FAM110B: variants seen among roughly 807,000 people sequenced by gnomAD.
FAM110B encodes protein FAM110B.
In FAM110B, 6 loss-of-function variants were observed where a neutral mutation model predicts 20.4. The ratio of observed to expected loss-of-function variants is 0.29; its 90% CI spans 0.16 to 0.58. The LOEUF (loss-of-function observed/expected upper bound fraction) is 0.58, where lower values mean the gene tolerates loss of function less well. Ranked by LOEUF, FAM110B falls within the 20% of genes least tolerant of loss-of-function variation. FAM110B has a pLI of 0.90. For synonymous variants in FAM110B, 226 were observed against 214.1 expected, an observed-to-expected ratio of 1.06 and a Z score of -0.49; for missense variants, 434 against 498.2, an observed-to-expected ratio of 0.87 and a Z score of 1.23.
intron 2 of FAM110B, among the ~76,000 whole-genome samples, chr8:58,069,864 C>T (rs1195465122): frequency 6.6e-6 from 1 of 152,126 alleles, no homozygotes; most frequent in Non-Finnish European, 1.5e-5. Flanking sequence ...TAGTGCTATA[C>T]ATTGATTTAA....
At chr8:58,115,817 T>TTAGGCTAGGAAAAA (rs1436916501) in intron 3 of FAM110B, among the ~76,000 whole-genome samples, 1 of 152,164 alleles carries the variant, frequency 6.6e-6, no homozygotes, top group African/African-American at 2.4e-5. Flanking sequence ...TGAGTATAAC[T>TTAGGCTAGGAAAAA]TAGGCTAGGA....
chr8:58,038,964 GA>G (rs904753104), intron 2 of FAM110B, among the ~76,000 whole-genome samples: 6 of 152,350 alleles, frequency 3.9e-5, no homozygotes, highest in African/African-American at 1.4e-4. Flanking sequence ...TGCGGTGCCA[GA>G]AAGACGTGGC....
intron 3 of FAM110B, among the ~76,000 whole-genome samples, chr8:58,102,612 G>C (rs1282198231): frequency 6.6e-6 from 1 of 152,100 alleles, no homozygotes; most frequent in Non-Finnish European, 1.5e-5. Flanking sequence ...TTCCACCTAC[G>C]CCATAACAGT....
intron 3 of FAM110B, among the ~76,000 whole-genome samples, chr8:58,128,318 C>T (rs560222395): frequency 5.2e-4 from 79 of 152,278 alleles, no homozygotes; most frequent in Non-Finnish European, 9.8e-4. Context: ...CAGTGTTCCA[C>T]GGCCTCCTAG....
At chr8:58,018,563 CTT>C (rs1804681709) in intron 1 of FAM110B, among the ~76,000 whole-genome samples, 1 of 152,080 alleles carries the variant, frequency 6.6e-6, no homozygotes, top group African/African-American at 2.4e-5. Context: ...TCTTGACAAA[CTT>C]TCCCTTTTAA....
At chr8:58,082,914 C>T (rs941165876) in intron 3 of FAM110B, among the ~76,000 whole-genome samples, 16 of 146,204 alleles carry the variant, frequency 1.1e-4, no homozygotes, top group African/African-American at 3.6e-4. Context: ...GAGCCTGAGG[C>T]GAAAGGATCA....
intron 1 of FAM110B, among the ~76,000 whole-genome samples, chr8:58,017,991 T>G (rs1237652376): frequency 6.6e-6 from 1 of 152,218 alleles, no homozygotes; most frequent in Non-Finnish European, 1.5e-5. Context: ...TGTACTGTTT[T>G]AAGCTCTTCA....
At chr8:58,130,668 T>C (rs1232100081) in intron 3 of FAM110B, among the ~76,000 whole-genome samples, 1 of 152,190 alleles carries the variant, frequency 6.6e-6, no homozygotes, top group Non-Finnish European at 1.5e-5. Context: ...CCAGCGTGAG[T>C]ATAAATTGAA....
intron 2 of FAM110B, among the ~76,000 whole-genome samples, chr8:58,044,513 C>G (rs1327018177): frequency 2.0e-5 from 3 of 152,110 alleles, no homozygotes; most frequent in Non-Finnish European, 4.4e-5. Context: ...ATAAAAGCAG[C>G]AGCTACCAGG....
chr8:58,058,017 A>G (rs899860070), intron 2 of FAM110B, among the ~76,000 whole-genome samples: 3 of 152,112 alleles, frequency 2.0e-5, no homozygotes, highest in Non-Finnish European at 4.4e-5. Context: ...GGGAGAGGCT[A>G]TTTTGTCATT....
At chr8:58,031,811 AC>A (rs1440401665) in intron 2 of FAM110B, 108 bp downstream of exon 2, 1 of 152,042 alleles carries the variant, frequency 6.6e-6, no homozygotes, top group Admixed American at 6.6e-5. Flanking sequence ...AATTTTTCCC[AC>A]CTTTTTCGTT....
chr8:58,115,847 A>T (rs1314228019), intron 3 of FAM110B, among the ~76,000 whole-genome samples: 2 of 152,312 alleles, frequency 1.3e-5, no homozygotes, highest in Admixed American at 1.3e-4. Context: ...ATTCCTGATA[A>T]AAAGTAGTGT....
rs750055380 is a variant in FAM110B at position 58,148,726 on chromosome 8, A to G, written c.*1383A>G. ...AGACTTTGTACATACTTCAGTTGTT[A>G]TGAAATCTTTAAAGAAAAAAAGAAA... On this transcript the variant is annotated 3_prime_UTR_variant, in exon 4 of 4. Coordinates refer to ENST00000519262, the MANE Select transcript of FAM110B (RefSeq NM_001377989.1). The G allele has an allele frequency of 1.4e-3, 230 of 167,270 alleles. No homozygotes were observed. The highest frequency in any genetic ancestry group is 2.3e-3 in the Non-Finnish European group (160 of 68,122). 10.4% of individuals were successfully genotyped at this position (167,270 alleles called of 1,614,324 possible).
At chr8:57,998,242 G>A (rs960858757) in intron 1 of FAM110B, among the ~76,000 whole-genome samples, 1 of 152,190 alleles carries the variant, frequency 6.6e-6, no homozygotes, top group Non-Finnish European at 1.5e-5. Context: ...GTTGAGGAGA[G>A]AGATGGCACA....
Position 58,134,313 on chromosome 8 carries a change from C to T in FAM110B, c.-324-11594C>T, listed in dbSNP as rs16923105. 1.5e-3 allele frequency among the ~76,000 whole-genome samples: 221 copies of T among 152,264 alleles called. 2 individuals are homozygous for T. In the East Asian group the frequency reaches 0.025, roughly 17 times the overall value. On this transcript the variant is annotated intron_variant, in intron 3 of 3. Coordinates refer to ENST00000519262, the MANE Select transcript of FAM110B (RefSeq NM_001377989.1). The stretch of plus-strand genomic sequence containing the variant: ...TAAAATTCTACCTTGTATTCATTTC[C>T]TTTTGCCCCTTATTTGTGCTCTAAG...
chr8:58,031,322 A>G (rs968290054), intron 1 of FAM110B: 1 of 152,236 alleles, frequency 6.6e-6, no homozygotes, highest in Non-Finnish European at 1.5e-5. Context: ...AGTATGAAGC[A>G]GTGCAAAGCC....
intron 2 of FAM110B, among the ~76,000 whole-genome samples, chr8:58,060,346 C>A (rs1409561377): frequency 6.6e-6 from 1 of 152,128 alleles, no homozygotes; most frequent in Non-Finnish European, 1.5e-5. Context: ...AAATTTGGTG[C>A]AGTACATTTC....
At position 58,146,101 on chromosome 8, in the gene FAM110B, C is replaced by A; in HGVS notation, c.-130C>A. The A allele has an allele frequency of 9.3e-7, 1 of 1,075,566 alleles. No individual in the cohort carries two copies. The highest frequency in any genetic ancestry group is 2.9e-5 in the Admixed American group (1 of 34,150). The allele number at this position is 1,075,566 out of a possible 1,614,324, so 66.6% of individuals were successfully genotyped here. ...CTGTGAGATGAGGCGCTGCTGCGGC[C>A]GCTGCTGCTGACACTCGCTCCCAGG... On this transcript the variant is annotated 5_prime_UTR_variant, in exon 4 of 4. Coordinates refer to ENST00000519262, the MANE Select transcript of FAM110B (RefSeq NM_001377989.1).
chr8:58,041,128 A>T (rs1359616331), intron 2 of FAM110B, among the ~76,000 whole-genome samples: 1 of 151,894 alleles, frequency 6.6e-6, no homozygotes, highest in Non-Finnish European at 1.5e-5. Context: ...TTCAGCAGAG[A>T]TGGGTTTTCC....
Sources: gnomAD v4.1 joint callset for allele counts (sites outside exome capture counted in the v4.1 genomes callset) on GRCh38, gnomAD v4.1.1 for gene constraint, MANE v1.5 for transcripts, NCBI Gene and HGNC (gene_info 2026-07-23, HGNC 2026-07-21) for gene names.